Variants in SLC4A10 observed in about 807,000 individuals in gnomAD.
SLC4A10 encodes sodium-driven chloride bicarbonate exchanger.
Under a neutral mutation model 137.7 loss-of-function variants are expected in SLC4A10, and 42 were observed. The observed-to-expected ratio is 0.30, with a 90% CI of 0.24 to 0.39. The LOEUF is 0.39. SLC4A10 is among the 10% of genes least tolerant of loss of function. SLC4A10 has a pLI of 1.00. For synonymous variants in SLC4A10, 474 were observed against 464.1 expected (o/e 1.02, Z -0.27); for missense variants, 925 against 1,355.0 (o/e 0.68, Z 4.98).
intron 1 of SLC4A10, among the ~76,000 whole-genome samples, chr2:161,654,034 C>G (rs899485459): frequency 5.3e-5 from 8 of 152,160 alleles, no homozygotes; most frequent in African/African-American, 1.9e-4. Context: ...TTCTCTATAT[C>G]CTAACACTTG....
intron 15 of SLC4A10, among the ~76,000 whole-genome samples, chr2:161,925,938 C>T (rs1300569435): frequency 6.6e-6 from 1 of 152,088 alleles, no homozygotes; most frequent in African/African-American, 2.4e-5. Context: ...AATTTCTGAT[C>T]TTTTACATTT....
intron 1 of SLC4A10, among the ~76,000 whole-genome samples, chr2:161,701,532 T>C (rs2043119740): frequency 6.6e-6 from 1 of 152,126 alleles, no homozygotes. Flanking sequence ...ATCAGGATAA[T>C]TGGGATATCC....
intron 18 of SLC4A10, among the ~76,000 whole-genome samples, chr2:161,950,036 A>G (rs914329651): frequency 3.3e-5 from 5 of 151,990 alleles, no homozygotes; most frequent in African/African-American, 1.2e-4. Context: ...TGTCAGGATG[A>G]AATTTTGAGA....
chr2:161,944,756 A>C (rs1218554851), intron 16 of SLC4A10, among the ~76,000 whole-genome samples: 1 of 151,784 alleles, frequency 6.6e-6, no homozygotes, highest in Non-Finnish European at 1.5e-5. Flanking sequence ...CTATATAATG[A>C]AAACAATCTT....
At chr2:161,695,286 T>C (rs1230306127) in intron 1 of SLC4A10, among the ~76,000 whole-genome samples, 1 of 152,114 alleles carries the variant, frequency 6.6e-6, no homozygotes, top group African/African-American at 2.4e-5. Flanking sequence ...TGATTTTAAA[T>C]ATTATTTACA....
intron 1 of SLC4A10, among the ~76,000 whole-genome samples, chr2:161,724,914 A>T (rs2046060419): frequency 6.6e-6 from 1 of 152,154 alleles, no homozygotes; most frequent in Non-Finnish European, 1.5e-5. Context: ...TATATGCATT[A>T]TTAGAGTCAT....
intron 20 of SLC4A10, 129 bp downstream of exon 20, chr2:161,957,369 A>C: frequency 3.6e-6 from 4 of 1,101,348 alleles, no homozygotes; most frequent in Non-Finnish European, 5.1e-6. Context: ...GAATTTCTGA[A>C]CCATGTTTAT....
intron 3 of SLC4A10, among the ~76,000 whole-genome samples, chr2:161,831,260 T>C (rs1272520402): frequency 6.6e-6 from 1 of 152,194 alleles, no homozygotes; most frequent in Non-Finnish European, 1.5e-5. Context: ...TATGACTTAG[T>C]TGTAATCTAA....
chr2:161,634,804 TTCC>T (rs2034152195), intron 1 of SLC4A10, among the ~76,000 whole-genome samples: 1 of 151,950 alleles, frequency 6.6e-6, no homozygotes. Flanking sequence ...CCAGAACTTA[TTCC>T]TCCTATCTAA....
At chr2:161,739,058 T>C (rs2047625622) in intron 1 of SLC4A10, among the ~76,000 whole-genome samples, 2 of 152,182 alleles carry the variant, frequency 1.3e-5, no homozygotes, top group African/African-American at 4.8e-5. Context: ...GAATAATTTA[T>C]GTTTCCACAA....
intron 1 of SLC4A10, among the ~76,000 whole-genome samples, chr2:161,660,554 A>ATATT (rs1183963887): frequency 3.9e-4 from 52 of 133,438 alleles, no homozygotes; most frequent in South Asian, 3.1e-3. Flanking sequence ...GTACTCATCT[A>ATATT]TATTTCTTTC....
chr2:161,964,412 A>G, intron 22 of SLC4A10, 104 bp downstream of exon 22: 1 of 1,231,454 alleles, frequency 8.1e-7, no homozygotes, highest in Non-Finnish European at 1.1e-6. Flanking sequence ...CATTTTGAAC[A>G]ATTATTGGAA....
chr2:161,816,036 T>C (rs998591384), intron 3 of SLC4A10, among the ~76,000 whole-genome samples: 1 of 152,146 alleles, frequency 6.6e-6, no homozygotes, highest in African/African-American at 2.4e-5. Flanking sequence ...ATCTTCTGCC[T>C]TCATCCTTAT....
intron 15 of SLC4A10, among the ~76,000 whole-genome samples, chr2:161,914,921 C>T (rs1364417929): frequency 3.3e-5 from 5 of 152,180 alleles, no homozygotes; most frequent in African/African-American, 1.2e-4. Flanking sequence ...CAAAACCCCA[C>T]TTTCGAGCCA....
At chr2:161,760,862 C>T (rs151317141) in intron 1 of SLC4A10, among the ~76,000 whole-genome samples, 6 of 151,720 alleles carry the variant, frequency 4.0e-5, no homozygotes, top group African/African-American at 9.7e-5. Context: ...TCAATGGATA[C>T]GTGGATAAAG....
At chr2:161,789,638 A>G (rs1354084336) in intron 2 of SLC4A10, among the ~76,000 whole-genome samples, 1 of 152,198 alleles carries the variant, frequency 6.6e-6, no homozygotes, top group Non-Finnish European at 1.5e-5. Context: ...TTATGGTACC[A>G]CTATTTTATA....
At chr2:161,647,153 C>T (rs1364265166) in intron 1 of SLC4A10, among the ~76,000 whole-genome samples, 1 of 152,054 alleles carries the variant, frequency 6.6e-6, no homozygotes, top group Non-Finnish European at 1.5e-5. Flanking sequence ...AGAAATCACA[C>T]TGCCCTGATT....
At position 161,872,308 on chromosome 2, in the gene SLC4A10, C is replaced by A. The variant is rs745409738; in HGVS notation, c.782C>A (p.Ser261Tyr). ...TCTCTTTTAGCAGGTCAGGTTGTTT[C>A]TCCTCAGTCTGCTCCAGCCTGTGTT... is the stretch of plus-strand genomic sequence containing the variant. ...SMDKNAGQVV[S>Y]PQSAPACVEN... Residue 261 changes from serine (S) to tyrosine (Y), a missense_variant, in exon 7 of 27, where the codon TCT (serine) becomes TAT (tyrosine). Coordinates refer to ENST00000446997, the MANE Select transcript of SLC4A10 (RefSeq NM_001178015.2). 4 of 1,613,318 alleles carry A rather than the reference C, an allele frequency of 2.5e-6. No homozygotes were observed. Among genetic ancestry groups the A allele is most frequent in the Non-Finnish European group, 8.5e-7 (1 of 1,179,506 alleles).
intron 3 of SLC4A10, among the ~76,000 whole-genome samples, chr2:161,808,655 A>G (rs2056245391): frequency 6.6e-6 from 1 of 152,168 alleles, no homozygotes; most frequent in South Asian, 2.1e-4. Context: ...CTTATGAGTG[A>G]GAACATGCAG....
Sources: gnomAD v4.1 joint callset for allele counts (sites outside exome capture counted in the v4.1 genomes callset) on GRCh38, gnomAD v4.1.1 for gene constraint, MANE v1.5 for transcripts, NCBI Gene and HGNC (gene_info 2026-07-23, HGNC 2026-07-21) for gene names.